The following ST6GALNAC3 variants were observed in gnomAD, a reference collection of about 807,000 sequenced individuals.
ST6GALNAC3 encodes ST6 N-acetylgalactosaminide alpha-2,6-sialyltransferase 3.
In ST6GALNAC3, 25 loss-of-function variants were observed where a neutral mutation model predicts 32.7. The ratio of observed to expected loss-of-function variants is 0.76; its 90% CI spans 0.56 to 1.07. The LOEUF (loss-of-function observed/expected upper bound fraction) is 1.07. Among genes scored for constraint, ST6GALNAC3 ranks in the 50% least tolerant of loss-of-function variants. The pLI is 0.00. For missense variants in ST6GALNAC3, 355 were observed against 382.4 expected (o/e 0.93, Z 0.60); for synonymous variants, 129 against 133.1 (o/e 0.97, Z 0.21).
intron 1 of ST6GALNAC3, among the ~76,000 whole-genome samples, chr1:76,088,244 C>T (rs1293802369): frequency 1.3e-5 from 2 of 152,132 alleles, no homozygotes; most frequent in East Asian, 1.9e-4. Flanking sequence ...ATAACAGATG[C>T]GCCTATGACC....
At chr1:76,423,932 T>C (rs1301067407) in intron 3 of ST6GALNAC3, among the ~76,000 whole-genome samples, 3 of 151,966 alleles carry the variant, frequency 2.0e-5, no homozygotes, top group African/African-American at 7.2e-5. Flanking sequence ...ATTAAATCTT[T>C]ACTAACAAAG....
chr1:76,390,944 G>GAATTCTTTTTTTTTTT (rs1652485173), intron 2 of ST6GALNAC3, among the ~76,000 whole-genome samples: 1 of 97,754 alleles, frequency 1.0e-5, no homozygotes. Flanking sequence ...ATATATATAT[G>GAATTCTTTTTTTTTTT]TATTTTTTTT....
intron 1 of ST6GALNAC3, among the ~76,000 whole-genome samples, chr1:76,155,634 ATTT>A (rs767457825): frequency 7.0e-6 from 1 of 143,580 alleles, no homozygotes. Flanking sequence ...CGCCTGGCTA[ATTT>A]TTTTTTTTTT....
chr1:76,562,469 C>T (rs1352733128), intron 3 of ST6GALNAC3, among the ~76,000 whole-genome samples: 1 of 152,092 alleles, frequency 6.6e-6, no homozygotes, highest in African/African-American at 2.4e-5. Flanking sequence ...GGTAACTAGG[C>T]ACACTTTCTC....
At chr1:76,487,198 T>C (rs992071241) in intron 3 of ST6GALNAC3, among the ~76,000 whole-genome samples, 3 of 152,190 alleles carry the variant, frequency 2.0e-5, no homozygotes, top group Non-Finnish European at 4.4e-5. Context: ...CTGACAATTA[T>C]ATGTCTTGGA....
intron 1 of ST6GALNAC3, among the ~76,000 whole-genome samples, chr1:76,253,362 T>C (rs1657728947): frequency 6.6e-6 from 1 of 152,116 alleles, no homozygotes; most frequent in African/African-American, 2.4e-5. Context: ...GCAAATACAC[T>C]ATCACAATGT....
In ST6GALNAC3 at chr1:76,323,645, T is replaced by C. The variant is rs1391756040; in HGVS notation, c.213+9646T>C. Among the ~76,000 whole-genome samples, 4 of 152,166 alleles carry C rather than the reference T, an allele frequency of 2.6e-5. No individual in the cohort carries two copies. The East Asian group carries it at 7.7e-4, about 29-fold the overall frequency. On this transcript the variant is annotated intron_variant, in intron 2 of 4. Transcript: ENST00000328299. ...AAAACACTTTTTGCCTAGGGATAAA[T>C]AAAATTTTTTCATAATGTTAAAGGC...
intron 2 of ST6GALNAC3, among the ~76,000 whole-genome samples, chr1:76,397,981 C>G (rs1464764378): frequency 6.6e-6 from 1 of 152,040 alleles, no homozygotes. Context: ...ATTAATACTT[C>G]CCTTCACCCT....
chr1:76,288,039 A>G (rs1317938961), intron 1 of ST6GALNAC3, among the ~76,000 whole-genome samples: 3 of 152,200 alleles, frequency 2.0e-5, no homozygotes, highest in Non-Finnish European at 2.9e-5. Context: ...GAGAAGTAGC[A>G]TGGGAGATCA....
intron 2 of ST6GALNAC3, among the ~76,000 whole-genome samples, chr1:76,361,426 A>G (rs1378642059): frequency 6.6e-6 from 1 of 152,140 alleles, no homozygotes; most frequent in African/African-American, 2.4e-5. Flanking sequence ...TATTTCCCAT[A>G]TAATATTCCA....
chr1:76,397,106 A>G (rs1653025927), intron 2 of ST6GALNAC3, among the ~76,000 whole-genome samples: 1 of 152,102 alleles, frequency 6.6e-6, no homozygotes, highest in African/African-American at 2.4e-5. Flanking sequence ...CGAGAAAGGG[A>G]TTTCAAACTA....
At chr1:76,418,354 G>A (rs528074297) in intron 3 of ST6GALNAC3, among the ~76,000 whole-genome samples, 9 of 152,176 alleles carry the variant, frequency 5.9e-5, no homozygotes, top group South Asian at 2.1e-4. Context: ...CAAGGAAGCC[G>A]CCTTAACACA....
intron 3 of ST6GALNAC3, among the ~76,000 whole-genome samples, chr1:76,587,838 G>A (rs1386825737): frequency 1.3e-5 from 2 of 152,114 alleles, no homozygotes; most frequent in Non-Finnish European, 2.9e-5. Context: ...TGAGTGGGAC[G>A]CTCAGGTTAC....
intron 1 of ST6GALNAC3, among the ~76,000 whole-genome samples, chr1:76,134,504 C>T (rs956792821): frequency 4.6e-5 from 7 of 152,206 alleles, no homozygotes; most frequent in South Asian, 2.1e-4. Context: ...CACACATCAG[C>T]CAGTGGTTTA....
intron 2 of ST6GALNAC3, among the ~76,000 whole-genome samples, chr1:76,343,096 T>G (rs1648196624): frequency 6.6e-6 from 1 of 152,208 alleles, no homozygotes; most frequent in Admixed American, 6.5e-5. Flanking sequence ...CGTTTGTCTA[T>G]TTTTAATTTT....
chr1:76,518,867 C>T (rs759020554), intron 3 of ST6GALNAC3, among the ~76,000 whole-genome samples: 9 of 151,996 alleles, frequency 5.9e-5, no homozygotes, highest in African/African-American at 1.2e-4. Context: ...AAGTTCAAGA[C>T]CAGCCTGACC....
At chr1:76,155,702 C>T (rs1331250924) in intron 1 of ST6GALNAC3, among the ~76,000 whole-genome samples, 1 of 151,828 alleles carries the variant, frequency 6.6e-6, no homozygotes, top group Admixed American at 6.6e-5. Context: ...TGGTCTCGAT[C>T]TCCTGACCTC....
intron 3 of ST6GALNAC3, among the ~76,000 whole-genome samples, chr1:76,466,810 A>C (rs1658663401): frequency 6.6e-6 from 1 of 152,094 alleles, no homozygotes; most frequent in Non-Finnish European, 1.5e-5. Context: ...TTTGTGATAT[A>C]GAGCTCAGTA....
chr1:76,332,459 A>G (rs1463155095), intron 2 of ST6GALNAC3, among the ~76,000 whole-genome samples: 1 of 152,204 alleles, frequency 6.6e-6, no homozygotes, highest in Non-Finnish European at 1.5e-5. Context: ...AGATTGAGAT[A>G]AGGTACTAAC....
Sources: allele counts gnomAD v4.1 joint callset (sites outside exome capture counted in the v4.1 genomes callset), GRCh38; gene constraint gnomAD v4.1.1; transcripts MANE v1.5; gene names NCBI Gene and HGNC (gene_info 2026-07-23, HGNC 2026-07-21).